The following CBLC variants were observed in gnomAD, a reference collection of about 807,000 sequenced individuals.
The protein encoded by CBLC is E3 ubiquitin-protein ligase CBL-C.
Under a neutral mutation model 58.6 loss-of-function variants are expected in CBLC, and 46 were observed. That is an observed-to-expected ratio of 0.79 (90% confidence interval 0.62 to 1.00). The LOEUF (loss-of-function observed/expected upper bound fraction) is 1.00. Ranked by LOEUF, CBLC falls within the 50% of genes least tolerant of loss-of-function variation. CBLC has a pLI of 0.00. For missense variants in CBLC, 655 were observed against 625.8 expected (o/e 1.05, Z -0.50); for synonymous variants, 271 against 264.2 (o/e 1.03, Z -0.25).
In CBLC at chr19:44,799,193, C is replaced by G. The variant is rs1258630024; in HGVS notation, c.1363-1188C>G. 2.0e-5 allele frequency among the ~76,000 whole-genome samples: 3 copies of G among 152,168 alleles called. No homozygotes were observed. The East Asian group carries it at 5.8e-4, about 29-fold the overall frequency. ...TCAGAGCGAAAAACAGGGCCTTGGC[C>G]TGGCGCGGTGGCTCATGCCTGTAAT... On this transcript the variant is annotated intron_variant, in intron 9 of 10. Coordinates refer to ENST00000647358, the MANE Select transcript of CBLC (RefSeq NM_012116.4).
In CBLC at chr19:44,790,053, G is replaced by T; in HGVS notation, c.967G>T (p.Gly323Cys). 2 of 1,613,836 alleles carry T rather than the reference G, an allele frequency of 1.2e-6. No individual in the cohort carries two copies. Among genetic ancestry groups the T allele is most frequent in the Non-Finnish European group, 1.7e-6 (2 of 1,179,968 alleles). ...KTHNPDLTELGQAEPQQRIHV... is the reference protein window; with the variant it reads ...KTHNPDLTELCQAEPQQRIHV... ...CCACAACCCAGACCTGACTGAGCTC[G>T]GCCAGGCAGAACCCCAGCAGCGCAT... The change falls in exon 6 of 11, where the codon GGC (glycine) becomes TGC (cysteine). Residue 323 changes from glycine to cysteine, a missense_variant. Physicochemically the swap from Gly to Cys is radical, Grantham distance 159. Around this residue, in one of 3 missense-constraint regions of CBLC, gnomAD observed 371 missense variants for 370.8 expected, o/e 1.00. Coordinates refer to ENST00000647358, the MANE Select transcript of CBLC (RefSeq NM_012116.4).
intron 10 of CBLC, 27 bp from the exon 11 acceptor site, chr19:44,800,524 C>T: frequency 4.5e-6 from 4 of 892,582 alleles, no homozygotes; most frequent in Non-Finnish European, 7.2e-6. Flanking sequence ...GTGACCTCAT[C>T]TAACCCACCC....
At position 44,781,000 on chromosome 19, in the gene CBLC, A is replaced by G. The variant is rs1227040829; in HGVS notation, c.449A>G (p.Gln150Arg). ...PGGKYCGHMY[Q>R]LTKAPAHTFW... is the part of the protein sequence containing the mutation. ...GGAAAGTACTGTGGACACATGTACC[A>G]GCTCACCAAGGCCCCCGCCCACACC... Residue 150 changes from glutamine to arginine, a missense_variant, in exon 2 of 11, where the codon CAG (glutamine) becomes CGG (arginine). Transcript: ENST00000647358. 6.2e-7 allele frequency: 1 copy of G among 1,613,438 alleles called. No individual in the cohort carries two copies. Among genetic ancestry groups the G allele is most frequent in the Non-Finnish European group, 8.5e-7 (1 of 1,180,008 alleles).
intron 9 of CBLC, among the ~76,000 whole-genome samples, chr19:44,799,198 G>A (rs969936174): frequency 6.6e-5 from 10 of 152,178 alleles, no homozygotes; most frequent in East Asian, 1.9e-4. Context: ...TTGGCCTGGC[G>A]CGGTGGCTCA....
At chr19:44,793,658 T>C (rs772470272) in intron 8 of CBLC, 38 bp downstream of exon 8, 1 of 1,530,032 alleles carries the variant, frequency 6.5e-7, no homozygotes, top group South Asian at 1.2e-5. Context: ...TCCAAATTCC[T>C]GAGGCCTGAG....
intron 6 of CBLC, among the ~76,000 whole-genome samples, chr19:44,791,561 C>G (rs1192165724): frequency 6.6e-6 from 1 of 151,820 alleles, no homozygotes; most frequent in Non-Finnish European, 1.5e-5. Flanking sequence ...GGTGAAACCC[C>G]ATCTCTACTA....
At chr19:44,791,117 T>G (rs1236056640) in intron 6 of CBLC, among the ~76,000 whole-genome samples, 5 of 149,896 alleles carry the variant, frequency 3.3e-5, no homozygotes. Flanking sequence ...AGACTTGGTC[T>G]CAAGAAAGAA....
intron 5 of CBLC, among the ~76,000 whole-genome samples, chr19:44,784,950 G>GTTTTT (rs58171575): frequency 0.011 from 372 of 34,372 alleles, 130 homozygotes; most frequent in Non-Finnish European, 0.014. Context: ...CTAGACAGGT[G>GTTTTT]TTTTTTTTTT....
Position 44,793,637 on chromosome 19 carries a change from G to T in CBLC, c.1284+17G>T. On this transcript the variant is annotated intron_variant, in intron 8 of 10. Transcript: ENST00000647358. ...CTGGGGCAGGTGAGCAGGGCCAGCC[G>T]GGAGCTGGAATCCAAATTCCTGAGG... 1 of 1,581,424 alleles carries T rather than the reference G, an allele frequency of 6.3e-7. No individual in the cohort carries two copies. Among genetic ancestry groups the T allele is most frequent in the East Asian group, 2.3e-5 (1 of 43,836 alleles).
intron 5 of CBLC, among the ~76,000 whole-genome samples, chr19:44,787,955 G>GA (rs963560306): frequency 5.4e-5 from 8 of 148,372 alleles, no homozygotes; most frequent in Admixed American, 6.7e-5. Flanking sequence ...TCAATAAAGA[G>GA]AAAAAAAGAA....
intron 3 of CBLC, 108 bp downstream of exon 3, chr19:44,781,471 G>A: frequency 1.8e-6 from 2 of 1,107,818 alleles, no homozygotes; most frequent in East Asian, 2.4e-5. Context: ...CTGGACTCCT[G>A]GATCTGAGGG....
In CBLC at chr19:44,790,127, C is replaced by T. The variant is rs746342586; in HGVS notation, c.1005+36C>T. On this transcript the variant is annotated intron_variant, in intron 6 of 10. Transcript: ENST00000647358. ...CACCTGCACCCGCAGTCCCAGTTCC[C>T]TGACCCTGCCACCCCCACGTTGCCT... 6 of 1,512,712 alleles carry T rather than the reference C, an allele frequency of 4.0e-6. No homozygotes were observed. The South Asian group carries it at 6.7e-5, about 17-fold the overall frequency. The allele number at this position is 1,512,712 out of a possible 1,614,324, so 93.7% of individuals were successfully genotyped here.
chr19:44,785,711 G>A (rs994890265), intron 5 of CBLC, among the ~76,000 whole-genome samples: 11 of 151,654 alleles, frequency 7.3e-5, no homozygotes, highest in East Asian at 1.9e-4. Context: ...CAAGGCAGGC[G>A]GATCACCTGA....
Position 44,782,451 on chromosome 19 carries a change from G to T in CBLC, c.739G>T (p.Val247Phe). The stretch of plus-strand genomic sequence containing the variant: ...CATGGCCTTCCTCACCTATGATGAG[G>T]TCCAAGAGCGTCTGCAGGCCTGCAG... ...GYMAFLTYDE[V>F]QERLQACRDK... Residue 247 changes from valine (V) to phenylalanine (F), a missense_variant, in exon 4 of 11, where the codon GTC becomes TTC. Val to Phe is a conservative substitution (Grantham distance 50). Coordinates refer to ENST00000647358, the MANE Select transcript of CBLC (RefSeq NM_012116.4). 1 of 1,613,828 alleles carries T rather than the reference G, an allele frequency of 6.2e-7. No individual in the cohort carries two copies. Among genetic ancestry groups the T allele is most frequent in the South Asian group, 1.1e-5 (1 of 91,074 alleles).
chr19:44,787,425 A>G (rs1325800631), intron 5 of CBLC, among the ~76,000 whole-genome samples: 2 of 151,748 alleles, frequency 1.3e-5, no homozygotes, highest in Non-Finnish European at 2.9e-5. Flanking sequence ...AATAAAGTCA[A>G]TCGTAGAAGT....
In CBLC at chr19:44,778,075, G is replaced by A. The variant is rs1207067477; in HGVS notation, c.144G>A (p.Leu48=). ...SVSPPSLRDL[L]PRTAQLLREV... Reference sequence around the variant, plus strand: ...GTCCCCCTTCGCTGCGGGACCTGCTGCCCCGCACAGCGCAGCTGCTTCGAG... The same window carrying A: ...GTCCCCCTTCGCTGCGGGACCTGCTACCCCGCACAGCGCAGCTGCTTCGAG... The change falls in exon 1 of 11, where the codon CTG becomes CTA. Residue 48 remains leucine, a synonymous_variant. Transcript: ENST00000647358. 1.2e-6 allele frequency: 2 copies of A among 1,608,228 alleles called. No individual in the cohort carries two copies. The highest frequency in any genetic ancestry group is 3.3e-5 in the Admixed American group (2 of 59,984).
chr19:44,788,968 T>A (rs573013333), intron 5 of CBLC, among the ~76,000 whole-genome samples: 1 of 152,208 alleles, frequency 6.6e-6, no homozygotes, highest in Non-Finnish European at 1.5e-5. Context: ...CCTGCACTGC[T>A]CCACATGACA....
chr19:44,792,999 A>C (rs1446354207), intron 7 of CBLC, among the ~76,000 whole-genome samples: 1 of 152,060 alleles, frequency 6.6e-6, no homozygotes, highest in Non-Finnish European at 1.5e-5. Context: ...AAAAAATACA[A>C]AAATTAGACG....
intron 5 of CBLC, among the ~76,000 whole-genome samples, chr19:44,784,829 G>A (rs1408705734): frequency 1.3e-5 from 2 of 151,728 alleles, no homozygotes; most frequent in African/African-American, 2.4e-5. Context: ...GCCTCCCAAA[G>A]TGTTGAAATG....
Sources: allele counts gnomAD v4.1 joint callset (sites outside exome capture counted in the v4.1 genomes callset), GRCh38; gene constraint gnomAD v4.1.1; regional missense constraint gnomAD v4.1.1; transcripts MANE v1.5; gene names NCBI Gene and HGNC (gene_info 2026-07-23, HGNC 2026-07-21).